POGLUT2: variants seen among roughly 807,000 people sequenced by gnomAD.
POGLUT2 encodes protein O-glucosyltransferase 2, also known as ER protein 58.
A neutral mutation model predicts 57.6 loss-of-function variants in POGLUT2; 47 were observed. The observed-to-expected ratio is 0.82, with a 90% CI of 0.65 to 1.04. The LOEUF (loss-of-function observed/expected upper bound fraction) is 1.04. POGLUT2 is among the 50% of genes least tolerant of loss of function. The probability of loss-of-function intolerance (pLI) is 0.00; values close to 1 mark genes in which losing one functional copy is unlikely to be tolerated. For synonymous variants in POGLUT2, 200 were observed against 218.8 expected (o/e 0.91, Z 0.76); for missense variants, 565 against 614.8 (o/e 0.92, Z 0.86).
chr13:102,788,033 A>G, intron 7 of POGLUT2, 110 bp from the exon 8 acceptor site: 2 of 586,514 alleles, frequency 3.4e-6, no homozygotes, highest in Admixed American at 2.9e-5. Context: ...GTGGGAAATA[A>G]TATCTTTGGG....
intron 2 of POGLUT2, 38 bp from the exon 3 acceptor site, chr13:102,793,844 T>C (rs1055748067): frequency 1.9e-6 from 3 of 1,546,098 alleles, no homozygotes; most frequent in South Asian, 1.1e-5. Flanking sequence ...ACAGTGATCA[T>C]TTCACTCAGC....
At chr13:102,786,416 A>G (rs547676084) in intron 8 of POGLUT2, 77 bp from the exon 9 acceptor site, 1 of 923,318 alleles carries the variant, frequency 1.1e-6, no homozygotes, top group African/African-American at 1.6e-5. Context: ...AGAATATATG[A>G]AGACTATGAT....
At chr13:102,793,538 C>T in intron 3 of POGLUT2, 63 bp downstream of exon 3, 1 of 1,462,618 alleles carries the variant, frequency 6.8e-7, no homozygotes, top group Non-Finnish European at 9.6e-7. Flanking sequence ...CTAATTGTAG[C>T]CAAATGTTCA....
chr13:102,798,455 T>A, intron 1 of POGLUT2, 34 bp downstream of exon 1: 2 of 1,507,926 alleles, frequency 1.3e-6, no homozygotes, highest in Non-Finnish European at 1.8e-6. Context: ...TTAACCGCCA[T>A]CCAAAATAGG....
chr13:102,792,835 G>A (rs1878231924), intron 4 of POGLUT2, among the ~76,000 whole-genome samples: 1 of 152,166 alleles, frequency 6.6e-6, no homozygotes, highest in South Asian at 2.1e-4. Context: ...TTGTCACCCA[G>A]GCCTTGGGAG....
At chr13:102,795,344 C>T (rs1354370601) in intron 2 of POGLUT2, among the ~76,000 whole-genome samples, 2 of 151,030 alleles carry the variant, frequency 1.3e-5, no homozygotes, top group Non-Finnish European at 2.9e-5. Context: ...GGGCAGATCA[C>T]TTGAGCTCCA....
In POGLUT2 at chr13:102,796,697, A is replaced by AT. The variant is rs1555319602; in HGVS notation, c.388+106_388+107insA. 3.9e-3 allele frequency: 543 copies of AT among 139,654 alleles called. 2 individuals are homozygous for AT. The highest frequency in any genetic ancestry group is 0.017 in the African/African-American group (448 of 27,034). The allele number at this position is 139,654 out of a possible 1,614,324, so 8.7% of individuals were successfully genotyped here. A position where few individuals can be genotyped will look rare whatever the true frequency, so the allele number is the denominator to read the frequency against. ...TCTTCTTTCAGTAAAAAAAAAAAAAAAAATATATATATATATATATATATC... is the reference window on the plus strand; with the variant it reads ...TCTTCTTTCAGTAAAAAAAAAAAAAATAAATATATATATATATATATATATC... On this transcript the variant is annotated intron_variant, in intron 2 of 9. Coordinates refer to ENST00000376004, the MANE Select transcript of POGLUT2 (RefSeq NM_024089.3).
chr13:102,790,964 A>C lies in POGLUT2; in HGVS notation c.1020T>G (p.Phe340Leu), dbSNP rs1171212913. The stretch of plus-strand genomic sequence containing the variant: ...GACCATACAGGTTTTCATCGTGTTT[A>C]AAGAAGAAAAAGTTGGTGAAAGCAG... ...IDAAFTNFFF[F>L]KHDENLYGPI... Residue 340 changes from phenylalanine (F) to leucine (L), a missense_variant, in exon 6 of 10, where the codon TTT (phenylalanine) becomes TTG (leucine). Phe to Leu is a conservative substitution (Grantham distance 22). Transcript: ENST00000376004. The C allele has an allele frequency of 6.2e-7, 1 of 1,614,044 alleles. No individual in the cohort carries two copies. The highest frequency in any genetic ancestry group is 8.5e-7 in the Non-Finnish European group (1 of 1,179,868).
intron 7 of POGLUT2, 99 bp downstream of exon 7, chr13:102,788,913 C>A: frequency 1.9e-6 from 2 of 1,050,826 alleles, no homozygotes; most frequent in Non-Finnish European, 2.9e-6. Flanking sequence ...AAGTCTATTA[C>A]GTGAACATCC....
chr13:102,796,308 A>AT (rs1328403930), intron 2 of POGLUT2, among the ~76,000 whole-genome samples: 11,472 of 130,008 alleles, frequency 0.088, 453 homozygotes, highest in East Asian at 0.22. Context: ...AAAAAAAAAA[A>AT]AAAATAAATA....
intron 2 of POGLUT2, among the ~76,000 whole-genome samples, chr13:102,794,930 T>C (rs1878315872): frequency 7.6e-6 from 1 of 131,190 alleles, no homozygotes; most frequent in Non-Finnish European, 1.5e-5. Flanking sequence ...GAACTGCTAT[T>C]CTTTTTTTTT....
intron 9 of POGLUT2, among the ~76,000 whole-genome samples, chr13:102,785,838 C>T (rs1372267800): frequency 1.3e-5 from 2 of 152,156 alleles, no homozygotes; most frequent in African/African-American, 2.4e-5. Flanking sequence ...CATTAATAAT[C>T]GTGGTTACAT....
intron 9 of POGLUT2, among the ~76,000 whole-genome samples, chr13:102,785,235 A>G (rs78460874): frequency 0.023 from 3,490 of 152,300 alleles, 121 homozygotes; most frequent in African/African-American, 0.075. Flanking sequence ...TTTAACTAGT[A>G]TGCAAAATTC....
intron 1 of POGLUT2, among the ~76,000 whole-genome samples, chr13:102,797,724 G>A (rs1022304089): frequency 1.3e-5 from 2 of 151,656 alleles, no homozygotes; most frequent in African/African-American, 4.9e-5. Flanking sequence ...ACTAGGCTAG[G>A]AAGTGAAACC....
At chr13:102,797,364 G>C (rs1166068675) in intron 1 of POGLUT2, among the ~76,000 whole-genome samples, 2 of 152,154 alleles carry the variant, frequency 1.3e-5, no homozygotes, top group Non-Finnish European at 2.9e-5. Context: ...GTGATCAAAT[G>C]ATGCTCCCAA....
Position 102,791,379 on chromosome 13 carries a change from C to T in POGLUT2, c.724G>A (p.Glu242Lys). Residue 242 changes from glutamate to lysine, a missense_variant, in exon 5 of 10, where the codon GAA becomes AAA. Glu to Lys is a moderately conservative substitution (Grantham distance 56). Transcript: ENST00000376004. Reference sequence around the variant, plus strand: ...ATGTTTGAATTGGATTTCTTTTTTTCCAAAGGCCAGTCTCCCAAATTAACA... The same window carrying T: ...ATGTTTGAATTGGATTTCTTTTTTTTCAAAGGCCAGTCTCCCAAATTAACA... Reference protein sequence around the residue: ...LFVNLGDWPLEKKKSNSNIHP... With the variant: ...LFVNLGDWPLKKKKSNSNIHP... The T allele has an allele frequency of 6.2e-7, 1 of 1,610,640 alleles. No individual in the cohort carries two copies. Among genetic ancestry groups the T allele is most frequent in the Non-Finnish European group, 8.5e-7 (1 of 1,179,228 alleles).
At chr13:102,789,720 C>G (rs1878096193) in intron 6 of POGLUT2, among the ~76,000 whole-genome samples, 1 of 152,166 alleles carries the variant, frequency 6.6e-6, no homozygotes, top group Non-Finnish European at 1.5e-5. Flanking sequence ...GCCTCAGCAT[C>G]CCCAGTCGCT....
chr13:102,796,275 C>T (rs1399423551), intron 2 of POGLUT2, among the ~76,000 whole-genome samples: 1 of 133,436 alleles, frequency 7.5e-6, no homozygotes, highest in East Asian at 2.1e-4. Flanking sequence ...AGCCTTGTGA[C>T]AGAGCGAGAC....
At chr13:102,785,633 C>T (rs1413591854) in intron 9 of POGLUT2, among the ~76,000 whole-genome samples, 1 of 152,120 alleles carries the variant, frequency 6.6e-6, no homozygotes, top group Non-Finnish European at 1.5e-5. Flanking sequence ...TTGCTATAAT[C>T]CAGCTAGATG....
Sources: allele counts gnomAD v4.1 joint callset (sites outside exome capture counted in the v4.1 genomes callset), GRCh38; gene constraint gnomAD v4.1.1; transcripts MANE v1.5; gene names NCBI Gene and HGNC (gene_info 2026-07-23, HGNC 2026-07-21).